The following SMYD3 variants were observed in gnomAD, a reference collection of about 807,000 sequenced individuals.
The protein encoded by SMYD3 is SET and MYND domain containing 3, also known as histone-lysine N-methyltransferase SMYD3.
Under a neutral mutation model 57.7 loss-of-function variants are expected in SMYD3, and 36 were observed. The observed-to-expected ratio is 0.62, with a 90% CI of 0.48 to 0.82. SMYD3 has a LOEUF of 0.82. Among genes scored for constraint, SMYD3 ranks in the 40% least tolerant of loss-of-function variants. The probability of loss-of-function intolerance (pLI) is 0.00; values close to 1 mark genes in which losing one functional copy is unlikely to be tolerated. For missense variants in SMYD3, 515 were observed against 538.8 expected (o/e 0.96, Z 0.44); for synonymous variants, 211 against 195.0 (o/e 1.08, Z -0.68).
At chr1:246,410,476 T>C (rs1465904612) in intron 1 of SMYD3, among the ~76,000 whole-genome samples, 1 of 152,266 alleles carries the variant, frequency 6.6e-6, no homozygotes, top group Admixed American at 6.5e-5. Context: ...ACTACATTTA[T>C]TGATTTTCGT....
chr1:245,796,148 G>A (rs2047513509), intron 10 of SMYD3, among the ~76,000 whole-genome samples: 1 of 152,202 alleles, frequency 6.6e-6, no homozygotes, highest in South Asian at 2.1e-4. Context: ...GTGAAAGACA[G>A]CAGACTTCTT....
At chr1:246,063,996 G>T (rs2060299674) in intron 5 of SMYD3, among the ~76,000 whole-genome samples, 1 of 152,262 alleles carries the variant, frequency 6.6e-6, no homozygotes, top group East Asian at 1.9e-4. Context: ...TTTCTGCACA[G>T]CGACTAGGCC....
At chr1:245,768,129 A>G (rs2046192744) in intron 10 of SMYD3, among the ~76,000 whole-genome samples, 1 of 152,198 alleles carries the variant, frequency 6.6e-6, no homozygotes, top group Non-Finnish European at 1.5e-5. Flanking sequence ...ATCATTCAAC[A>G]AGGCAGTTTA....
At chr1:246,181,201 A>G (rs536206727) in intron 5 of SMYD3, among the ~76,000 whole-genome samples, 1 of 152,326 alleles carries the variant, frequency 6.6e-6, no homozygotes, top group African/African-American at 2.4e-5. Flanking sequence ...AGGCAAATCA[A>G]TGTCTCGCCT....
intron 5 of SMYD3, among the ~76,000 whole-genome samples, chr1:246,273,135 C>CTTTTTTCTT (rs2064253793): frequency 1.9e-5 from 2 of 107,606 alleles, no homozygotes; most frequent in Non-Finnish European, 3.6e-5. Flanking sequence ...TCCCTGTTTT[C>CTTTTTTCTT]TTTTTTTTTT....
At chr1:246,459,349 A>AGT (rs2067758179) in intron 1 of SMYD3, among the ~76,000 whole-genome samples, 1 of 150,734 alleles carries the variant, frequency 6.6e-6, no homozygotes, top group South Asian at 2.1e-4. Context: ...CTTATTTAAA[A>AGT]GTGTGTAGCA....
intron 5 of SMYD3, among the ~76,000 whole-genome samples, chr1:246,080,822 GTGT>G (rs1361251723): frequency 5.3e-5 from 8 of 152,112 alleles, no homozygotes; most frequent in Non-Finnish European, 8.8e-5. Flanking sequence ...TTTTTTATCT[GTGT>G]TGTTAACTGC....
At chr1:246,397,600 GAT>G (rs2066693674) in intron 1 of SMYD3, among the ~76,000 whole-genome samples, 5 of 152,184 alleles carry the variant, frequency 3.3e-5, no homozygotes, top group Admixed American at 3.3e-4. Context: ...TACCTAGACA[GAT>G]GTAGTCACCT....
intron 5 of SMYD3, among the ~76,000 whole-genome samples, chr1:246,225,344 A>C (rs1308571031): frequency 4.8e-5 from 7 of 146,838 alleles, no homozygotes; most frequent in Admixed American, 4.1e-4. Flanking sequence ...AAAAAAAAAA[A>C]AAAAAAAAAA....
chr1:245,775,377 T>C (rs1220245932), intron 10 of SMYD3, among the ~76,000 whole-genome samples: 1 of 152,164 alleles, frequency 6.6e-6, no homozygotes, highest in East Asian at 1.9e-4. Context: ...AGAAAAATTC[T>C]TCTGCCTTGG....
At chr1:246,364,727 A>G (rs547204547) in intron 1 of SMYD3, among the ~76,000 whole-genome samples, 2 of 152,322 alleles carry the variant, frequency 1.3e-5, no homozygotes, top group African/African-American at 4.8e-5. Context: ...AAGCAACATC[A>G]AAAAATTCCA....
At chr1:245,847,373 G>A (rs1446201087) in intron 10 of SMYD3, among the ~76,000 whole-genome samples, 1 of 152,050 alleles carries the variant, frequency 6.6e-6, no homozygotes, top group Non-Finnish European at 1.5e-5. Flanking sequence ...CTATCCTTCG[G>A]GAGTTTCTGA....
chr1:246,284,233 G>A (rs943076999), intron 5 of SMYD3, among the ~76,000 whole-genome samples: 3 of 152,146 alleles, frequency 2.0e-5, no homozygotes, highest in Admixed American at 6.6e-5. Context: ...TCTGCATCTA[G>A]CATCTGGTAA....
intron 5 of SMYD3, among the ~76,000 whole-genome samples, chr1:246,218,500 A>G (rs1432388841): frequency 6.6e-6 from 1 of 152,118 alleles, no homozygotes; most frequent in African/African-American, 2.4e-5. Context: ...GGGCGGCTGT[A>G]GTCCCAGCTA....
At chr1:246,330,036 C>A (rs2065433551) in intron 4 of SMYD3, among the ~76,000 whole-genome samples, 1 of 152,192 alleles carries the variant, frequency 6.6e-6, no homozygotes, top group African/African-American at 2.4e-5. Flanking sequence ...ATGCTTCACA[C>A]TGCCACAGAG....
intron 8 of SMYD3, among the ~76,000 whole-genome samples, chr1:245,872,171 T>C (rs902821648): frequency 5.9e-5 from 9 of 152,268 alleles, no homozygotes; most frequent in African/African-American, 2.2e-4. Context: ...GTCTTCCAGA[T>C]GCTGTCATCA....
intron 8 of SMYD3, among the ~76,000 whole-genome samples, chr1:245,865,015 T>C (rs1236057278): frequency 6.6e-6 from 1 of 152,222 alleles, no homozygotes; most frequent in Non-Finnish European, 1.5e-5. Context: ...CTGCTTCCGG[T>C]TGGCCAGTGT....
chr1:245,835,077 G>T (rs1375660795), intron 10 of SMYD3, among the ~76,000 whole-genome samples: 2 of 150,634 alleles, frequency 1.3e-5, no homozygotes, highest in African/African-American at 2.4e-5. Flanking sequence ...GAGACTTGGA[G>T]TTGGATATGC....
intron 5 of SMYD3, among the ~76,000 whole-genome samples, chr1:245,993,154 C>A (rs2058843283): frequency 6.6e-6 from 1 of 152,184 alleles, no homozygotes; most frequent in African/African-American, 2.4e-5. Flanking sequence ...AAGCGTTACA[C>A]CCTTATTAAC....
Sources: gnomAD v4.1 joint callset for allele counts (sites outside exome capture counted in the v4.1 genomes callset) on GRCh38, gnomAD v4.1.1 for gene constraint, MANE v1.5 for transcripts, NCBI Gene and HGNC (gene_info 2026-07-23, HGNC 2026-07-21) for gene names.